AUTS2: variants seen among roughly 807,000 people sequenced by gnomAD.
AUTS2 encodes the protein activator of transcription and developmental regulator AUTS2, also known as autism susceptibility gene 2 protein.
AUTS2 carries 17 observed loss-of-function variants against 112.4 expected under a neutral mutation model. The ratio of observed to expected loss-of-function variants is 0.15; its 90% CI spans 0.10 to 0.23. The LOEUF is 0.23. AUTS2 is among the 10% of genes least tolerant of loss of function. The pLI is 1.00. For synonymous variants in AUTS2, 751 were observed against 702.7 expected (o/e 1.07, Z -1.09); for missense variants, 1,510 against 1,701.6 (o/e 0.89, Z 1.98).
At chr7:70,484,487 A>AC (rs2116269551) in intron 5 of AUTS2, among the ~76,000 whole-genome samples, 1 of 152,324 alleles carries the variant, frequency 6.6e-6, no homozygotes, top group East Asian at 1.9e-4. Context: ...TTAGCCCCTG[A>AC]CGGGAACTCA....
intron 5 of AUTS2, among the ~76,000 whole-genome samples, chr7:70,697,585 C>A (rs1028012977): frequency 7.6e-6 from 1 of 130,926 alleles, no homozygotes; most frequent in Non-Finnish European, 1.6e-5. Flanking sequence ...CCTATATTTC[C>A]TTTTTCCATA....
intron 1 of AUTS2, among the ~76,000 whole-genome samples, chr7:69,638,345 G>A (rs1286975918): frequency 3.3e-5 from 5 of 152,300 alleles, no homozygotes; most frequent in Non-Finnish European, 4.4e-5. Flanking sequence ...AGACATAGAA[G>A]TTCAGAAAGA....
intron 4 of AUTS2, among the ~76,000 whole-genome samples, chr7:70,370,077 C>G (rs1031644068): frequency 3.9e-5 from 6 of 152,160 alleles, no homozygotes; most frequent in African/African-American, 1.4e-4. Context: ...TAACCCTGCC[C>G]TAGTAGGATG....
At chr7:70,383,124 G>A (rs184344791) in intron 4 of AUTS2, among the ~76,000 whole-genome samples, 25 of 152,034 alleles carry the variant, frequency 1.6e-4, no homozygotes, top group Non-Finnish European at 2.4e-4. Flanking sequence ...TCATCATTTG[G>A]CTTTACCATA....
chr7:70,583,745 G>A (rs570519066), intron 5 of AUTS2, among the ~76,000 whole-genome samples: 2 of 152,216 alleles, frequency 1.3e-5, no homozygotes, highest in Non-Finnish European at 2.9e-5. Context: ...GAGCAACTCT[G>A]TCCTTCTGGG....
chr7:70,593,150 C>T (rs12698911), intron 5 of AUTS2, among the ~76,000 whole-genome samples: 10,692 of 152,146 alleles, frequency 0.07, 531 homozygotes, highest in African/African-American at 0.13. Context: ...CCATGCCTGA[C>T]CTGACTTTGG....
rs191908911 is a variant in AUTS2, at chr7:70,147,857, T to C, written c.660+13286T>C. 2.9e-3 allele frequency among the ~76,000 whole-genome samples: 434 copies of C among 152,170 alleles called. 3 individuals carry two copies. The highest frequency in any genetic ancestry group is 3.1e-3 in the Non-Finnish European group (209 of 67,990). ...TGATCACTGAATGGCACTCTAGAAG[T>C]CTTCACTCAGCCCACTGGTCTTTCT... On this transcript the variant is annotated intron_variant, in intron 4 of 18. Transcript: ENST00000342771.
chr7:70,494,797 C>T (rs1054606536), intron 5 of AUTS2, among the ~76,000 whole-genome samples: 6 of 152,100 alleles, frequency 3.9e-5, no homozygotes, highest in Non-Finnish European at 7.4e-5. Context: ...GTTGACATCC[C>T]AGCCCAAAGC....
chr7:70,695,395 G>A (rs896644840), intron 5 of AUTS2, among the ~76,000 whole-genome samples: 1 of 152,206 alleles, frequency 6.6e-6, no homozygotes, highest in African/African-American at 2.4e-5. Context: ...GCGTGGCGCT[G>A]CCCGCTCCTG....
rs146263446 is a variant in AUTS2 at position 70,790,107 on chromosome 7, C to A, written c.2891C>A (p.Pro964Gln). 1.3e-6 allele frequency: 2 copies of A among 1,594,418 alleles called. No homozygotes were observed. Among genetic ancestry groups the A allele is most frequent in the Non-Finnish European group, 8.5e-7 (1 of 1,172,072 alleles). ...PNSTSSREAE[P>Q]RKGEPAYENP... ...AGCACCTCGAGCCGGGAGGCCGAGC[C>A]GCGCAAGGGTGAGCCGGCCTACGAG... The change falls in exon 19 of 19, where the codon CCG becomes CAG. Residue 964 changes from proline (P) to glutamine (Q), a missense_variant. Coordinates refer to ENST00000342771, the MANE Select transcript of AUTS2 (RefSeq NM_015570.4). This position sits in a 1 kb window ranked among gnomAD's most constrained non-coding sequence, Gnocchi z 7.6.
intron 2 of AUTS2, among the ~76,000 whole-genome samples, chr7:69,936,747 T>C (rs1796429180): frequency 6.6e-6 from 1 of 152,164 alleles, no homozygotes; most frequent in African/African-American, 2.4e-5. Flanking sequence ...GAATGAACAA[T>C]CCATAGAGTT....
chr7:70,360,683 A>G (rs1207457697), intron 4 of AUTS2, among the ~76,000 whole-genome samples: 1 of 152,056 alleles, frequency 6.6e-6, no homozygotes, highest in African/African-American at 2.4e-5. Context: ...TACACCACTG[A>G]TTTCTCTTCC....
intron 4 of AUTS2, among the ~76,000 whole-genome samples, chr7:70,381,974 A>G (rs1562925648): frequency 6.6e-6 from 1 of 152,160 alleles, no homozygotes; most frequent in Non-Finnish European, 1.5e-5. Flanking sequence ...AACCAGAAAG[A>G]CTAAAAGTCT....
intron 4 of AUTS2, among the ~76,000 whole-genome samples, chr7:70,420,551 A>G (rs908573718): frequency 4.6e-5 from 7 of 152,216 alleles, no homozygotes; most frequent in African/African-American, 1.7e-4. Flanking sequence ...AGACCAAGTA[A>G]TCGGTTCTGT....
intron 5 of AUTS2, among the ~76,000 whole-genome samples, chr7:70,696,131 C>A (rs1259426156): frequency 6.6e-6 from 1 of 152,142 alleles, no homozygotes; most frequent in East Asian, 1.9e-4. Flanking sequence ...ACCCAAGGAA[C>A]AAATCATTTG....
chr7:70,510,490 G>A (rs1042817619), intron 5 of AUTS2, among the ~76,000 whole-genome samples: 1 of 152,110 alleles, frequency 6.6e-6, no homozygotes, highest in Non-Finnish European at 1.5e-5. Flanking sequence ...AGGTACCCAA[G>A]GGGGATCCCC....
intron 1 of AUTS2, among the ~76,000 whole-genome samples, chr7:69,782,365 T>C (rs1167573027): frequency 1.4e-5 from 2 of 145,178 alleles, no homozygotes; most frequent in African/African-American, 5.0e-5. Context: ...CTCTCTCTCT[T>C]GTTTTTTTTT....
At chr7:70,343,543 T>C (rs1695553834) in intron 4 of AUTS2, among the ~76,000 whole-genome samples, 1 of 152,164 alleles carries the variant, frequency 6.6e-6, no homozygotes, top group Non-Finnish European at 1.5e-5. Context: ...CAGTTAAAAG[T>C]ACTATATGAT....
chr7:70,607,492 A>G (rs979541351), intron 5 of AUTS2, among the ~76,000 whole-genome samples: 7 of 152,322 alleles, frequency 4.6e-5, no homozygotes, highest in Admixed American at 3.9e-4. Context: ...CACGATGCAG[A>G]CGAGATGACT....
Sources: gnomAD v4.1 joint callset for allele counts (sites outside exome capture counted in the v4.1 genomes callset) on GRCh38, gnomAD v4.1.1 for gene constraint, Gnocchi (gnomAD v3.1) non-coding constraint, MANE v1.5 for transcripts, NCBI Gene and HGNC (gene_info 2026-07-23, HGNC 2026-07-21) for gene names.